Variants in ASNSD1 observed in about 807,000 individuals in gnomAD.
ASNSD1 encodes asparagine synthetase domain-containing protein 1.
ASNSD1 carries 36 observed loss-of-function variants against 48.3 expected under a neutral mutation model. The observed-to-expected ratio is 0.75, with a 90% confidence interval of 0.57 to 0.99. ASNSD1 has a LOEUF of 0.99. Ranked by LOEUF, ASNSD1 falls within the 50% of genes least tolerant of loss-of-function variation. ASNSD1 has a pLI of 0.00. For synonymous variants in ASNSD1, 257 were observed against 262.1 expected, an observed-to-expected ratio of 0.98 and a Z score of 0.19; for missense variants, 714 against 758.2, an observed-to-expected ratio of 0.94 and a Z score of 0.69.
At chr2:189,670,113 A>G (rs970014294) in intron 5 of ASNSD1, among the ~76,000 whole-genome samples, 7 of 151,444 alleles carry the variant, frequency 4.6e-5, no homozygotes, top group African/African-American at 1.5e-4. Flanking sequence ...GTCCGAGACC[A>G]GCCTGGGCAA....
chr2:189,666,241 C>T lies in ASNSD1; in HGVS notation c.109C>T (p.Gln37Ter), dbSNP rs1442820434. ...ACAGCGGGGACCCAATAGTAGTAAACAATTGTTAAAGTCTGATGTTAACTA... is the reference window on the plus strand; with the variant it reads ...ACAGCGGGGACCCAATAGTAGTAAATAATTGTTAAAGTCTGATGTTAACTA... ...LKQRGPNSSK[Q>*]LLKSDVNYQC... Residue 37 changes from glutamine to a stop codon, truncating the protein, a stop_gained, in exon 4 of 6, where the codon CAA (glutamine) becomes TAA (stop). Transcript: ENST00000260952. LOFTEE classifies it high-confidence loss of function. The T allele has an allele frequency of 6.2e-7, 1 of 1,613,914 alleles. No homozygotes were observed. The highest frequency in any genetic ancestry group is 2.2e-5 in the East Asian group (1 of 44,886).
At position 189,670,475 on chromosome 2, in the gene ASNSD1, C is replaced by A. The variant is rs1291468541; in HGVS notation, c.1681C>A (p.Leu561Ile). The A allele has an allele frequency of 1.2e-6, 2 of 1,612,498 alleles. No homozygotes were observed. Among genetic ancestry groups the A allele is most frequent in the Non-Finnish European group, 1.7e-6 (2 of 1,179,050 alleles). The change falls in exon 6 of 6, where the codon CTA (leucine) becomes ATA (isoleucine). Residue 561 changes from leucine (L) to isoleucine (I), a missense_variant. By Grantham distance (5) the Leu-to-Ile change is conservative. Coordinates refer to ENST00000260952, the MANE Select transcript of ASNSD1 (RefSeq NM_019048.4). ...PFLDENVVSF[L>I]NSLPIWEKAN... ...CCTGGATGAAAATGTTGTCTCCTTT[C>A]TAAATTCTCTGCCGATTTGGGAAAA...
rs1043613339 is a variant in ASNSD1 at position 189,666,529 on chromosome 2, T to C, written c.397T>C (p.Phe133Leu). Residue 133 changes from phenylalanine to leucine, a missense_variant, in exon 4 of 6, where the codon TTT becomes CTT. Transcript: ENST00000260952. ...YYQASSHYLWFGRDFFGRRSL... is the reference protein window; with the variant it reads ...YYQASSHYLWLGRDFFGRRSL... The stretch of plus-strand genomic sequence containing the variant: ...TCAAGCATCTAGTCATTATTTATGG[T>C]TTGGTAGGGATTTTTTTGGTCGCCG... 18 of 1,613,784 alleles carry C rather than the reference T, an allele frequency of 1.1e-5. No individual in the cohort carries two copies. The highest frequency in any genetic ancestry group is 1.4e-5 in the Non-Finnish European group (17 of 1,179,900).
rs1424308286 is a variant in ASNSD1, at chr2:189,664,527, A to G, written c.-169+573A>G. On this transcript the variant is annotated intron_variant, in intron 2 of 5. Coordinates refer to ENST00000260952, the MANE Select transcript of ASNSD1 (RefSeq NM_019048.4). ...AGTTTGAGCTCTTAAAAGCTTTGTA[A>G]AGATTATGTAATAACTGGCTGGTTA... Among the ~76,000 whole-genome samples the G allele has an allele frequency of 2.0e-5, 3 of 152,238 alleles. No homozygotes were observed. In the East Asian group the frequency reaches 5.8e-4, roughly 29 times the overall value.
chr2:189,664,770 G>A (rs1016181937), intron 2 of ASNSD1, among the ~76,000 whole-genome samples: 13 of 151,956 alleles, frequency 8.6e-5, no homozygotes, highest in African/African-American at 2.9e-4. Flanking sequence ...AGAAGTTGAG[G>A]CAGAATTAAT....
intron 1 of ASNSD1, among the ~76,000 whole-genome samples, chr2:189,662,187 G>T (rs2105680769): frequency 6.6e-6 from 1 of 152,310 alleles, no homozygotes; most frequent in South Asian, 2.1e-4. Context: ...CCTAAAACAC[G>T]CATTGGGTTG....
intron 1 of ASNSD1, among the ~76,000 whole-genome samples, chr2:189,662,034 C>G (rs974349814): frequency 6.6e-6 from 1 of 152,144 alleles, no homozygotes; most frequent in Non-Finnish European, 1.5e-5. Flanking sequence ...AAATATGTCC[C>G]TTTATCACCG....
rs2032845041 is a variant in ASNSD1, at chr2:189,667,712, C to A, written c.1465-52C>A. On this transcript the variant is annotated intron_variant, in intron 4 of 5. Coordinates refer to ENST00000260952, the MANE Select transcript of ASNSD1 (RefSeq NM_019048.4). ...ATTTTAGGTGCATTTATCTTATTTT[C>A]TTTACTGTGTAGTTGATAACATTTT... is the stretch of plus-strand genomic sequence containing the variant. 18 of 1,549,946 alleles carry A rather than the reference C, an allele frequency of 1.2e-5. No homozygotes were observed. The South Asian group carries it at 1.7e-4, about 15-fold the overall frequency.
chr2:189,665,610 A>ATATATACATATATATATG (rs1559034419), intron 3 of ASNSD1, among the ~76,000 whole-genome samples, 159 bp downstream of exon 3: 1 of 20,232 alleles, frequency 4.9e-5, no homozygotes, highest in African/African-American at 8.6e-5. Context: ...ATATATATAT[A>ATATATACATATATATATG]TATATATATA....
At chr2:189,665,488 C>G in intron 3 of ASNSD1, 37 bp downstream of exon 3, 2 of 393,634 alleles carry the variant, frequency 5.1e-6, no homozygotes, top group Middle Eastern at 1.3e-3. Context: ...TGGGGGGTGC[C>G]TAAATTATAC....
chr2:189,668,694 A>T (rs2032864267), intron 5 of ASNSD1, among the ~76,000 whole-genome samples: 1 of 152,206 alleles, frequency 6.6e-6, no homozygotes, highest in South Asian at 2.1e-4. Flanking sequence ...ATCCATGCTG[A>T]TTTGAAGGTA....
Position 189,666,639 on chromosome 2 carries a change from G to T in ASNSD1, c.507G>T (p.Gln169His). 6.2e-7 allele frequency: 1 copy of T among 1,614,148 alleles called. No homozygotes were observed. Among genetic ancestry groups the T allele is most frequent in the Non-Finnish European group, 8.5e-7 (1 of 1,180,032 alleles). Residue 169 changes from glutamine (Q) to histidine (H), a missense_variant, in exon 4 of 6, where the codon CAG (glutamine) becomes CAT (histidine). Transcript: ENST00000260952. ...VGTQTSGLAN[Q>H]WQEVPASGLF... ...CCCAAACATCTGGATTGGCAAATCAGTGGCAAGAAGTTCCAGCATCTGGAC... is the reference window on the plus strand; with the variant it reads ...CCCAAACATCTGGATTGGCAAATCATTGGCAAGAAGTTCCAGCATCTGGAC...
At position 189,666,144 on chromosome 2, in the gene ASNSD1, T is replaced by A; in HGVS notation, c.12T>A (p.Ile4=). 15 of 1,567,886 alleles carry A rather than the reference T, an allele frequency of 9.6e-6. No individual in the cohort carries two copies. Among genetic ancestry groups the A allele is most frequent in the Non-Finnish European group, 1.3e-5 (15 of 1,158,778 alleles). MCG[I]CCSVNFSAEH... is the part of the protein sequence containing the mutation. ...GATTTCACATAACAATGTGTGGCATTTGTTGTTCTGTAAACTTTTCTGCTG... is the reference window on the plus strand; with the variant it reads ...GATTTCACATAACAATGTGTGGCATATGTTGTTCTGTAAACTTTTCTGCTG... Residue 4 remains isoleucine (I), a synonymous_variant, in exon 4 of 6, where the codon ATT becomes ATA. Transcript: ENST00000260952.
intron 5 of ASNSD1, among the ~76,000 whole-genome samples, chr2:189,669,156 T>A (rs2032873869): frequency 6.6e-6 from 1 of 152,236 alleles, no homozygotes. Context: ...CACAGTTGTC[T>A]TTCTTAAGTT....
chr2:189,666,230 A>C lies in ASNSD1; in HGVS notation c.98A>C (p.Asn33Thr). ...LLYNLKQRGP[N>T]SSKQLLKSDV... ...TATAATCTTAAACAGCGGGGACCCA[A>C]TAGTAGTAAACAATTGTTAAAGTCT... Residue 33 changes from asparagine to threonine, a missense_variant, in exon 4 of 6, where the codon AAT becomes ACT. Transcript: ENST00000260952. The C allele has an allele frequency of 1.2e-6, 2 of 1,614,132 alleles. No individual in the cohort carries two copies. Among genetic ancestry groups the C allele is most frequent in the East Asian group, 2.2e-5 (1 of 44,880 alleles).
In ASNSD1 at chr2:189,667,399, C is replaced by T. The variant is rs187435985; in HGVS notation, c.1267C>T (p.Arg423Ter). ...GGAACTACAAGCTGTTAGCCCTTCC[C>T]GAATTTGGAATTTTGTTGAAATTAA... ...LKELQAVSPS[R>*]IWNFVEINVS... The change falls in exon 4 of 6, where the codon CGA (arginine) becomes TGA (stop). Residue 423 changes from arginine to a stop codon, truncating the protein, a stop_gained. Coordinates refer to ENST00000260952, the MANE Select transcript of ASNSD1 (RefSeq NM_019048.4). LOFTEE classifies it high-confidence loss of function. 35 of 1,614,078 alleles carry T rather than the reference C, an allele frequency of 2.2e-5. No individual in the cohort carries two copies. Among genetic ancestry groups the T allele is most frequent in the Non-Finnish European group, 2.6e-5 (31 of 1,179,992 alleles).
In ASNSD1 at chr2:189,666,957, T is replaced by G. The variant is rs1217386730; in HGVS notation, c.825T>G (p.Thr275=). The change falls in exon 4 of 6, where the codon ACT becomes ACG. Residue 275 remains threonine (T), a synonymous_variant. Coordinates refer to ENST00000260952, the MANE Select transcript of ASNSD1 (RefSeq NM_019048.4). ...GAGAGATACTTCAAGTCTTTCTTACTGATGTACACATGAAGGAAGTAATTC... is the reference window on the plus strand; with the variant it reads ...GAGAGATACTTCAAGTCTTTCTTACGGATGTACACATGAAGGAAGTAATTC... ...PTREILQVFL[T]DVHMKEVIQQ... 6.2e-7 allele frequency: 1 copy of G among 1,614,066 alleles called. No individual in the cohort carries two copies. The highest frequency in any genetic ancestry group is 8.5e-7 in the Non-Finnish European group (1 of 1,180,036).
In ASNSD1 at chr2:189,666,116, C is replaced by T. The variant is rs376511376; in HGVS notation, c.-17C>T. The T allele has an allele frequency of 6.6e-7, 1 of 1,505,572 alleles. No individual in the cohort carries two copies. The highest frequency in any genetic ancestry group is 8.8e-7 in the Non-Finnish European group (1 of 1,130,498). The allele number at this position is 1,505,572 out of a possible 1,614,324, so 93.3% of individuals were successfully genotyped here. ...AAGACCAAAATCAAGAAATAGTCAA[C>T]CTGATTTCACATAACAATGTGTGGC... is the stretch of plus-strand genomic sequence containing the variant. On this transcript the variant is annotated 5_prime_UTR_variant, in exon 4 of 6. Transcript: ENST00000260952.
intron 5 of ASNSD1, among the ~76,000 whole-genome samples, chr2:189,668,712 C>A (rs1210799501): frequency 2.0e-5 from 3 of 152,224 alleles, no homozygotes; most frequent in African/African-American, 7.2e-5. Context: ...GTAGTCCTTA[C>A]ACTGGATATT....
Sources: allele counts gnomAD v4.1 joint callset (sites outside exome capture counted in the v4.1 genomes callset), GRCh38; gene constraint gnomAD v4.1.1; transcripts MANE v1.5; gene names NCBI Gene and HGNC (gene_info 2026-07-23, HGNC 2026-07-21).